Variants in ZNF827 observed in about 807,000 individuals in gnomAD.
ZNF827 encodes the protein zinc finger protein 827.
In ZNF827, 13 loss-of-function variants were observed where a neutral mutation model predicts 102.4. That is an observed-to-expected ratio of 0.13 (90% CI 0.08 to 0.20). The LOEUF (loss-of-function observed/expected upper bound fraction) is 0.20, where lower values mean the gene tolerates loss of function less well. Ranked by LOEUF, ZNF827 falls within the 10% of genes least tolerant of loss-of-function variation. ZNF827 has a pLI of 1.00. For synonymous variants in ZNF827, 523 were observed against 536.2 expected, an observed-to-expected ratio of 0.98 and a Z score of 0.34; for missense variants, 1,103 against 1,344.4, an observed-to-expected ratio of 0.82 and a Z score of 2.81.
intron 8 of ZNF827, among the ~76,000 whole-genome samples, chr4:145,785,618 A>C (rs2127018598): frequency 6.6e-6 from 1 of 152,270 alleles, no homozygotes; most frequent in Middle Eastern, 3.4e-3. Flanking sequence ...TAGTTCAAGG[A>C]GGAACCTGAA....
intron 8 of ZNF827, among the ~76,000 whole-genome samples, chr4:145,800,162 T>C (rs967498024): frequency 6.6e-6 from 1 of 152,196 alleles, no homozygotes; most frequent in Admixed American, 6.5e-5. Flanking sequence ...GATTCCATCA[T>C]GTTTGATGCT....
intron 7 of ZNF827, among the ~76,000 whole-genome samples, chr4:145,837,506 C>T (rs1016214720): frequency 4.6e-5 from 7 of 152,066 alleles, no homozygotes; most frequent in African/African-American, 1.7e-4. Flanking sequence ...CTACTATTTT[C>T]TGTCTAGTCA....
At chr4:145,865,180 G>GT (rs1191016745) in intron 5 of ZNF827, among the ~76,000 whole-genome samples, 2 of 152,146 alleles carry the variant, frequency 1.3e-5, no homozygotes, top group Non-Finnish European at 2.9e-5. Flanking sequence ...GAAAAAAGTA[G>GT]TATTATCTGA....
At chr4:145,870,616 C>T (rs1421187458) in intron 4 of ZNF827, 138 bp from the exon 5 acceptor site, 2 of 699,092 alleles carry the variant, frequency 2.9e-6, no homozygotes, top group East Asian at 5.4e-5. Context: ...TCAGAACAGG[C>T]TGGGCCCTGG....
chr4:145,842,306 T>A (rs1745499148), intron 7 of ZNF827, among the ~76,000 whole-genome samples: 1 of 152,094 alleles, frequency 6.6e-6, no homozygotes, highest in Non-Finnish European at 1.5e-5. Context: ...ACTGGACAGG[T>A]GTGAGGAGGG....
In ZNF827 at chr4:145,757,882, T is replaced by C. The variant is rs1288481306; in HGVS notation, c.*3734A>G. 6.6e-6 allele frequency: 1 copy of C among 152,176 alleles called. No homozygotes were observed. Among genetic ancestry groups the C allele is most frequent in the Non-Finnish European group, 1.5e-5 (1 of 68,024 alleles). 9.4% of individuals were successfully genotyped at this position (152,176 alleles called of 1,614,324 possible). A position where few individuals can be genotyped will look rare whatever the true frequency, so the allele number is the denominator to read the frequency against. The stretch of plus-strand genomic sequence containing the variant: ...AGAAGAAAGAAAGTGCTGAGAACCC[T>C]AACTGCATTACTATATGGAAAAATA... On this transcript the variant is annotated 3_prime_UTR_variant, in exon 15 of 15. Coordinates refer to ENST00000508784, the MANE Select transcript of ZNF827 (RefSeq NM_001306215.2).
intron 11 of ZNF827, among the ~76,000 whole-genome samples, chr4:145,772,760 ACTT>A (rs1579116104): frequency 6.6e-6 from 1 of 152,346 alleles, no homozygotes; most frequent in East Asian, 1.9e-4. Flanking sequence ...TAAAAAAGAA[ACTT>A]CTTTAATGCA....
intron 6 of ZNF827, among the ~76,000 whole-genome samples, chr4:145,846,249 C>T (rs914330557): frequency 1.3e-5 from 2 of 151,804 alleles, no homozygotes; most frequent in Non-Finnish European, 2.9e-5. Context: ...GAGGCTGAGG[C>T]GGGCAGATTA....
chr4:145,874,378 A>C (rs1748975888), intron 4 of ZNF827, among the ~76,000 whole-genome samples: 1 of 152,230 alleles, frequency 6.6e-6, no homozygotes, highest in Admixed American at 6.5e-5. Flanking sequence ...TATGGAAATC[A>C]CTCATTTGCC....
At chr4:145,828,439 A>C (rs1007375328) in intron 7 of ZNF827, among the ~76,000 whole-genome samples, 1 of 152,160 alleles carries the variant, frequency 6.6e-6, no homozygotes, top group Non-Finnish European at 1.5e-5. Flanking sequence ...ACTTATTTTC[A>C]CTCAACAAAA....
At chr4:145,807,787 CAAAAAACAAAAACAAAA>C (rs1424840202) in intron 8 of ZNF827, among the ~76,000 whole-genome samples, 3 of 135,232 alleles carry the variant, frequency 2.2e-5, no homozygotes, top group Non-Finnish European at 4.8e-5. Context: ...AAAAAAAAAA[CAAAAAACAAAAACAAAA>C]AAAAAACAAA....
intron 3 of ZNF827, among the ~76,000 whole-genome samples, chr4:145,891,607 T>C (rs1039323927): frequency 3.3e-5 from 5 of 152,204 alleles, no homozygotes; most frequent in African/African-American, 4.8e-5. Flanking sequence ...TGTCCTTGGA[T>C]GTTTGGTAAA....
intron 5 of ZNF827, among the ~76,000 whole-genome samples, chr4:145,856,721 ACACC>A (rs1469521995): frequency 1.6e-5 from 2 of 122,696 alleles, no homozygotes; most frequent in Non-Finnish European, 3.4e-5. Context: ...ACACACACAC[ACACC>A]CCATTTCACT....
intron 4 of ZNF827, among the ~76,000 whole-genome samples, chr4:145,871,452 C>A (rs942358768): frequency 6.6e-6 from 1 of 152,148 alleles, no homozygotes; most frequent in Non-Finnish European, 1.5e-5. Context: ...GGGCTACATA[C>A]TACCCAGGAA....
intron 2 of ZNF827, among the ~76,000 whole-genome samples, chr4:145,894,977 C>T (rs749056867): frequency 1.3e-5 from 2 of 152,140 alleles, no homozygotes; most frequent in Admixed American, 6.6e-5. Context: ...TTGTCATACA[C>T]TACAGGGAAA....
chr4:145,898,905 A>C (rs1362485746), intron 2 of ZNF827, among the ~76,000 whole-genome samples: 2 of 152,198 alleles, frequency 1.3e-5, no homozygotes, highest in Admixed American at 6.5e-5. Flanking sequence ...TTTCTAGCAC[A>C]TATCTCTTTG....
chr4:145,921,073 G>T (rs1753030321), intron 1 of ZNF827, among the ~76,000 whole-genome samples: 1 of 152,242 alleles, frequency 6.6e-6, no homozygotes, highest in African/African-American at 2.4e-5. Context: ...GACAATGCAG[G>T]AGGGGAAGCA....
chr4:145,779,601 T>G, intron 8 of ZNF827, 90 bp from the exon 9 acceptor site: 1 of 1,504,632 alleles, frequency 6.6e-7, no homozygotes, highest in Non-Finnish European at 9.0e-7. Context: ...CAGAGCCTTC[T>G]CTCTGAAGAA....
At chr4:145,929,157 T>C (rs907041043) in intron 1 of ZNF827, among the ~76,000 whole-genome samples, 1 of 152,228 alleles carries the variant, frequency 6.6e-6, no homozygotes, top group Non-Finnish European at 1.5e-5. Context: ...TGTGCTCACA[T>C]ATACACAACC....
Sources: gnomAD v4.1 joint callset for allele counts (sites outside exome capture counted in the v4.1 genomes callset) on GRCh38, gnomAD v4.1.1 for gene constraint, MANE v1.5 for transcripts, NCBI Gene and HGNC (gene_info 2026-07-23, HGNC 2026-07-21) for gene names.